WAPL: variants seen among roughly 807,000 people sequenced by gnomAD.
WAPL encodes WAPL cohesin release factor, also known as wings apart-like protein homolog.
In WAPL, 5 loss-of-function variants were observed where a neutral mutation model predicts 121.0. That is an observed-to-expected ratio of 0.04 (90% CI 0.02 to 0.09). The LOEUF is 0.09. WAPL is among the 10% of genes least tolerant of loss of function. The probability of loss-of-function intolerance (pLI) is 1.00; values close to 1 mark genes in which losing one functional copy is unlikely to be tolerated. For missense variants in WAPL, 999 were observed against 1,410.8 expected (o/e 0.71, Z 4.68); for synonymous variants, 480 against 481.5 (o/e 1.00, Z 0.04).
intron 8 of WAPL, 87 bp downstream of exon 8, chr10:86,470,905 G>C (rs768282232): frequency 1.3e-5 from 13 of 1,032,644 alleles, no homozygotes; most frequent in Admixed American, 2.4e-5. Context: ...TATATTTATA[G>C]AATATTCAGT....
At chr10:86,486,970 G>A (rs1486793090) in intron 4 of WAPL, among the ~76,000 whole-genome samples, 1 of 151,880 alleles carries the variant, frequency 6.6e-6, no homozygotes, top group East Asian at 1.9e-4. Flanking sequence ...AACAAAAAAA[G>A]AACGTAAAGG....
intron 2 of WAPL, among the ~76,000 whole-genome samples, chr10:86,516,157 T>A (rs972977541): frequency 6.6e-6 from 1 of 152,166 alleles, no homozygotes; most frequent in Non-Finnish European, 1.5e-5. Context: ...CATGAGCCAC[T>A]GCACAGGTCC....
Position 86,472,529 on chromosome 10 carries a change from A to G in WAPL, c.1893+83T>C, listed in dbSNP as rs1841555788. 7 of 1,563,292 alleles carry G rather than the reference A, an allele frequency of 4.5e-6. No homozygotes were observed. In the East Asian group the frequency reaches 1.6e-4, roughly 35 times the overall value. ...TTCAAAACTGAGTATCAGTATACTG[A>G]TATTTGTTGAAGATATTAAATGGCT... On this transcript the variant is annotated intron_variant, in intron 6 of 18. Coordinates refer to ENST00000298767, the MANE Select transcript of WAPL (RefSeq NM_015045.5). This position sits in a 1 kb window ranked among gnomAD's most constrained non-coding sequence, Gnocchi z 4.2.
At chr10:86,518,923 T>C (rs1320096914) in intron 1 of WAPL, among the ~76,000 whole-genome samples, 1 of 152,190 alleles carries the variant, frequency 6.6e-6, no homozygotes, top group African/African-American at 2.4e-5. Flanking sequence ...TAGATGGTCA[T>C]CTCCCTAGGG....
intron 4 of WAPL, among the ~76,000 whole-genome samples, chr10:86,488,203 T>C (rs931550219): frequency 6.6e-6 from 1 of 152,198 alleles, no homozygotes; most frequent in African/African-American, 2.4e-5. Flanking sequence ...AGAATGACCA[T>C]GAAATAGACA....
chr10:86,489,043 C>G (rs1235420692), intron 4 of WAPL, among the ~76,000 whole-genome samples: 1 of 152,232 alleles, frequency 6.6e-6, no homozygotes, highest in Non-Finnish European at 1.5e-5. Flanking sequence ...GGCATCTCCT[C>G]TGTATTGCCA....
Position 86,472,945 on chromosome 10 carries a change from CAT to C in WAPL, c.1741-183_1741-182del, listed in dbSNP as rs1303902519. On this transcript the variant is annotated intron_variant, in intron 5 of 18. Coordinates refer to ENST00000298767, the MANE Select transcript of WAPL (RefSeq NM_015045.5). This position sits in a 1 kb window ranked among gnomAD's most constrained non-coding sequence, Gnocchi z 4.2. The stretch of plus-strand genomic sequence containing the variant: ...GAATTCCATGCACTAACAGGTAAGA[CAT>C]ATGTATATCTGCACACAGAAGAACC... Among the ~76,000 whole-genome samples, 2 of 152,174 alleles carry C rather than the reference CAT, an allele frequency of 1.3e-5. No individual in the cohort carries two copies. Among genetic ancestry groups the C allele is most frequent in the Non-Finnish European group, 2.9e-5 (2 of 68,028 alleles).
At chr10:86,471,271 A>G (rs1322647959) in intron 7 of WAPL, among the ~76,000 whole-genome samples, 168 bp from the exon 8 acceptor site, 2 of 152,214 alleles carry the variant, frequency 1.3e-5, no homozygotes, top group Non-Finnish European at 2.9e-5. Context: ...TTAAAAATAT[A>G]CTGATGCCTA....
rs551988760 is a variant in WAPL, at chr10:86,456,808, A to G, written c.2657+2181T>C. Among the ~76,000 whole-genome samples, 24 of 152,346 alleles carry G rather than the reference A, an allele frequency of 1.6e-4. No homozygotes were observed. The South Asian group carries it at 2.9e-3, about 18-fold the overall frequency. On this transcript the variant is annotated intron_variant, in intron 12 of 18. Transcript: ENST00000298767. ...AGGCTGGGCTAAACTGGGGCTTTGA[A>G]GACAAAAGGAGGTTCAGCATATGTT... is the stretch of plus-strand genomic sequence containing the variant.
intron 4 of WAPL, among the ~76,000 whole-genome samples, chr10:86,475,617 G>C (rs1287595162): frequency 6.6e-6 from 1 of 152,218 alleles, no homozygotes; most frequent in Non-Finnish European, 1.5e-5. Flanking sequence ...TTAGCAATCT[G>C]AAACAATTTA....
intron 2 of WAPL, among the ~76,000 whole-genome samples, chr10:86,508,711 C>T (rs1842396954): frequency 6.6e-6 from 1 of 150,562 alleles, no homozygotes; most frequent in Admixed American, 6.6e-5. Context: ...ACTGAATTTC[C>T]TTTTCTAGTT....
At chr10:86,489,294 T>C (rs1841990425) in intron 4 of WAPL, among the ~76,000 whole-genome samples, 1 of 152,230 alleles carries the variant, frequency 6.6e-6, no homozygotes, top group Non-Finnish European at 1.5e-5. Context: ...TTTAGTTGTT[T>C]TGCTATAAAG....
chr10:86,515,518 C>T (rs1470129335), intron 2 of WAPL, among the ~76,000 whole-genome samples: 1 of 152,058 alleles, frequency 6.6e-6, no homozygotes, highest in African/African-American at 2.4e-5. Context: ...AGCGATGGCT[C>T]ACGCTTGCAA....
At chr10:86,486,557 G>A (rs1841933732) in intron 4 of WAPL, among the ~76,000 whole-genome samples, 1 of 152,138 alleles carries the variant, frequency 6.6e-6, no homozygotes, top group Non-Finnish European at 1.5e-5. Context: ...GTGTCATATT[G>A]AAGGACAGAT....
intron 17 of WAPL, among the ~76,000 whole-genome samples, chr10:86,441,284 T>A (rs1215203382): frequency 6.6e-6 from 1 of 152,200 alleles, no homozygotes; most frequent in African/African-American, 2.4e-5. Context: ...ATATTTGTTT[T>A]TCCCAAGGCA....
At position 86,452,630 on chromosome 10, in the gene WAPL, CA is replaced by C. The variant is rs553782151; in HGVS notation, c.2950-500del. On this transcript the variant is annotated intron_variant, in intron 14 of 18. Transcript: ENST00000298767. ...CAAAAAAAGAACAAAAAAAACAAAA[CA>C]AAAAAACCACCGATTTTCCCAAAGA... Among the ~76,000 whole-genome samples the C allele has an allele frequency of 2.3e-4, 35 of 151,828 alleles. No individual in the cohort carries two copies. The South Asian group carries it at 7.3e-3, about 32-fold the overall frequency.
At chr10:86,520,280 G>A (rs1185524110) in intron 1 of WAPL, among the ~76,000 whole-genome samples, 2 of 152,056 alleles carry the variant, frequency 1.3e-5, no homozygotes, top group Admixed American at 1.3e-4. Context: ...GGGCAACAAG[G>A]GCGAAACTCC....
At chr10:86,449,953 A>G (rs1441970019) in intron 15 of WAPL, among the ~76,000 whole-genome samples, 3 of 152,228 alleles carry the variant, frequency 2.0e-5, no homozygotes, top group Non-Finnish European at 4.4e-5. Flanking sequence ...TACACGTAAT[A>G]AAACTGAACA....
Position 86,515,864 on chromosome 10 carries a change from C to CTTTTTTTTT in WAPL, c.499+1698_499+1706dup, listed in dbSNP as rs377683656. On this transcript the variant is annotated intron_variant, in intron 2 of 18. Transcript: ENST00000298767. Reference sequence around the variant, plus strand: ...GAAACAGTTTTTATGCTGTCTATGCCTTTTTTTTTTTTTTTTTTTGAGATG... The same window carrying CTTTTTTTTT: ...GAAACAGTTTTTATGCTGTCTATGCCTTTTTTTTTTTTTTTTTTTTTTTTTTTTGAGATG... Among the ~76,000 whole-genome samples, 4 of 101,148 alleles carry CTTTTTTTTT rather than the reference C, an allele frequency of 4.0e-5. 1 individual carries two copies. The highest frequency in any genetic ancestry group is 7.7e-5 in the African/African-American group (2 of 25,986). The allele number at this position is 101,148 out of a possible 152,430, so 66.4% of individuals were successfully genotyped here.
Sources: allele counts gnomAD v4.1 joint callset (sites outside exome capture counted in the v4.1 genomes callset), GRCh38; gene constraint gnomAD v4.1.1; non-coding constraint Gnocchi (gnomAD v3.1); transcripts MANE v1.5; gene names NCBI Gene and HGNC (gene_info 2026-07-23, HGNC 2026-07-21).